Variants in PCDHGB7 observed in about 807,000 individuals in gnomAD.
PCDHGB7 encodes the protein protocadherin gamma subfamily B, 7.
A neutral mutation model predicts 61.4 loss-of-function variants in PCDHGB7; 37 were observed. That is an observed-to-expected ratio of 0.60 (90% CI 0.46 to 0.79). PCDHGB7 has a LOEUF of 0.79. PCDHGB7 is among the 30% of genes least tolerant of loss of function. The pLI is 0.00. For missense variants in PCDHGB7, 1,166 were observed against 1,202.5 expected (o/e 0.97, Z 0.45); for synonymous variants, 464 against 503.5 (o/e 0.92, Z 1.05).
chr5:141,491,322 C>T lies in PCDHGB7; in HGVS notation c.2416-3485C>T. 6.2e-7 allele frequency: 1 copy of T among 1,614,156 alleles called. No individual in the cohort carries two copies. Among genetic ancestry groups the T allele is most frequent in the East Asian group, 2.2e-5 (1 of 44,860 alleles). On this transcript the variant is annotated intron_variant, in intron 1 of 3. Coordinates refer to ENST00000398594, the MANE Select transcript of PCDHGB7 (RefSeq NM_018927.4). This position sits in a 1 kb window ranked among gnomAD's most constrained non-coding sequence, Gnocchi z 6.9. ...AGCGTTCAGACCTTACCCTTTACCT[C>T]ATTGTGGCTCTAGCGACCGTCAGTC...
At chr5:141,505,673 G>C (rs1389292278) in intron 3 of PCDHGB7, among the ~76,000 whole-genome samples, 192 bp downstream of exon 3, 1 of 152,178 alleles carries the variant, frequency 6.6e-6, no homozygotes, top group East Asian at 1.9e-4. Context: ...AGGGGTTGGG[G>C]GTCCTGGGAT....
chr5:141,473,254 T>C (rs1203765731), intron 1 of PCDHGB7, among the ~76,000 whole-genome samples: 5 of 152,152 alleles, frequency 3.3e-5, no homozygotes, highest in African/African-American at 4.8e-5. Context: ...ACATATATAG[T>C]CCTTAGTGTA....
rs747509171 is a variant in PCDHGB7, at chr5:141,477,069, A to G, written c.2416-17738A>G. The stretch of plus-strand genomic sequence containing the variant: ...CTGGACTTCGAGGACACCAAACTCC[A>G]TGAGATTTACATCCAGGCCAAAGAC... On this transcript the variant is annotated intron_variant, in intron 1 of 3. Coordinates refer to ENST00000398594, the MANE Select transcript of PCDHGB7 (RefSeq NM_018927.4). The surrounding 1 kb of genome is among the most constrained non-coding windows in gnomAD (Gnocchi z 4.9). 7 of 1,614,246 alleles carry G rather than the reference A, an allele frequency of 4.3e-6. No homozygotes were observed. The highest frequency in any genetic ancestry group is 5.9e-6 in the Non-Finnish European group (7 of 1,180,026).
intron 1 of PCDHGB7, chr5:141,423,138 C>G (rs767107885): frequency 1.2e-6 from 2 of 1,613,606 alleles, no homozygotes; most frequent in Non-Finnish European, 1.7e-6. Flanking sequence ...TGGACAGAGA[C>G]GCGCTCAAGC....
intron 3 of PCDHGB7, among the ~76,000 whole-genome samples, chr5:141,506,417 A>C (rs1326078146): frequency 6.8e-6 from 1 of 147,658 alleles, no homozygotes; most frequent in Non-Finnish European, 1.5e-5. Context: ...ACTGCACTCC[A>C]GCCTGGGCAA....
At position 141,477,401 on chromosome 5, in the gene PCDHGB7, G is replaced by T. The variant is rs781253466; in HGVS notation, c.2416-17406G>T. On this transcript the variant is annotated intron_variant, in intron 1 of 3. Coordinates refer to ENST00000398594, the MANE Select transcript of PCDHGB7 (RefSeq NM_018927.4). The surrounding 1 kb of genome is among the most constrained non-coding windows in gnomAD (Gnocchi z 4.9). ...GCCAGAATACAACCTCAGCATCACC[G>T]CCCGAGACGCCGGAACCCCTTCCCT... 8 of 1,613,960 alleles carry T rather than the reference G, an allele frequency of 5.0e-6. No homozygotes were observed. The highest frequency in any genetic ancestry group is 4.5e-5 in the East Asian group (2 of 44,890).
intron 1 of PCDHGB7, among the ~76,000 whole-genome samples, chr5:141,438,396 A>T (rs1026490705): frequency 6.6e-6 from 1 of 150,930 alleles, no homozygotes. Context: ...TTCATCATTA[A>T]CTCTCTGAAG....
Position 141,490,013 on chromosome 5 carries a change from G to A in PCDHGB7, c.2416-4794G>A. 6.2e-7 allele frequency: 1 copy of A among 1,614,206 alleles called. No individual in the cohort carries two copies. The highest frequency in any genetic ancestry group is 1.1e-5 in the South Asian group (1 of 91,088). Reference sequence around the variant, plus strand: ...GGAATCCCAGAGAATGCACCCATTGGTACTCTGCTGCTCCGCCTCAATGCC... The same window carrying A: ...GGAATCCCAGAGAATGCACCCATTGATACTCTGCTGCTCCGCCTCAATGCC... On this transcript the variant is annotated intron_variant, in intron 1 of 3. Transcript: ENST00000398594. This position sits in a 1 kb window ranked among gnomAD's most constrained non-coding sequence, Gnocchi z 5.4.
rs1177173734 is a variant in PCDHGB7, at chr5:141,491,741, G to T, written c.2416-3066G>T. 1.3e-6 allele frequency: 2 copies of T among 1,595,762 alleles called. No individual in the cohort carries two copies. On this transcript the variant is annotated intron_variant, in intron 1 of 3. Transcript: ENST00000398594. This position sits in a 1 kb window ranked among gnomAD's most constrained non-coding sequence, Gnocchi z 6.9. ...CCGCCCCGGGCGACCCCTGGGGGCG[G>T]CACTGGAGAAGCCGCCCGTCCTCAT... is the stretch of plus-strand genomic sequence containing the variant.
At chr5:141,469,804 T>C (rs1433459377) in intron 1 of PCDHGB7, among the ~76,000 whole-genome samples, 1 of 152,060 alleles carries the variant, frequency 6.6e-6, no homozygotes, top group Non-Finnish European at 1.5e-5. Context: ...TGCAAAAACA[T>C]TGTAGATAGA....
chr5:141,478,604 T>C (rs1425759709), intron 1 of PCDHGB7: 2 of 1,562,580 alleles, frequency 1.3e-6, no homozygotes, highest in South Asian at 2.3e-5. Context: ...CTACATCATA[T>C]TGAGGAAGGA....
chr5:141,505,596 T>G (rs2099846990), intron 3 of PCDHGB7, 115 bp downstream of exon 3: 1 of 1,562,168 alleles, frequency 6.4e-7, no homozygotes, highest in African/African-American at 1.4e-5. Context: ...CTCCAGATCT[T>G]TCGGCAGGTC....
At position 141,512,350 on chromosome 5, in the gene PCDHGB7, G is replaced by C. The variant is rs1406428686; in HGVS notation, c.*1177G>C. ...CCATTCTTAGTCCCTGGGTTGGGGA[G>C]GCAGGGAGCTAGGGCAGGGACCAAA... is the stretch of plus-strand genomic sequence containing the variant. On this transcript the variant is annotated 3_prime_UTR_variant, in exon 4 of 4. Transcript: ENST00000398594. The C allele has an allele frequency of 6.5e-6, 1 of 152,906 alleles. No homozygotes were observed. The highest frequency in any genetic ancestry group is 1.9e-4 in the East Asian group (1 of 5,208). 9.5% of individuals were successfully genotyped at this position (152,906 alleles called of 1,614,324 possible).
At chr5:141,474,756 T>C (rs2099354156) in intron 1 of PCDHGB7, among the ~76,000 whole-genome samples, 1 of 152,244 alleles carries the variant, frequency 6.6e-6, no homozygotes, top group Non-Finnish European at 1.5e-5. Flanking sequence ...AAGACAAATA[T>C]ACAGAAATAG....
chr5:141,494,678 G>A, intron 1 of PCDHGB7, 129 bp from the exon 2 acceptor site: 1 of 1,554,384 alleles, frequency 6.4e-7, no homozygotes, highest in Non-Finnish European at 8.7e-7. Flanking sequence ...GTCCACCCCT[G>A]CCCCCTCTTA....
At chr5:141,428,058 G>A (rs752468507) in intron 1 of PCDHGB7, 4 of 1,609,140 alleles carry the variant, frequency 2.5e-6, no homozygotes, top group South Asian at 1.1e-5. Flanking sequence ...GGTGGTGGCG[G>A]TGGACGCAGA....
At chr5:141,502,001 C>T (rs2099812274) in intron 2 of PCDHGB7, among the ~76,000 whole-genome samples, 2 of 152,106 alleles carry the variant, frequency 1.3e-5, no homozygotes, top group Admixed American at 1.3e-4. Flanking sequence ...CCCTGACAAC[C>T]CGCATGCTCT....
chr5:141,426,094 G>C (rs2096914562), intron 1 of PCDHGB7, among the ~76,000 whole-genome samples: 1 of 152,350 alleles, frequency 6.6e-6, no homozygotes, highest in African/African-American at 2.4e-5. Flanking sequence ...ACGATATTCT[G>C]TTCAGTCACA....
chr5:141,432,642 C>T lies in PCDHGB7; in HGVS notation c.2415+12368C>T, dbSNP rs746251093. 7.4e-6 allele frequency: 12 copies of T among 1,613,784 alleles called. No individual in the cohort carries two copies. The highest frequency in any genetic ancestry group is 2.7e-5 in the African/African-American group (2 of 75,056). ...GGTCTGCACACGGGCGAGGTGCGCA[C>T]GGCGCGAGCCCTGCTGGACAGAGAC... On this transcript the variant is annotated intron_variant, in intron 1 of 3. Coordinates refer to ENST00000398594, the MANE Select transcript of PCDHGB7 (RefSeq NM_018927.4). This position sits in a 1 kb window ranked among gnomAD's most constrained non-coding sequence, Gnocchi z 6.0.
Sources: gnomAD v4.1 joint callset for allele counts (sites outside exome capture counted in the v4.1 genomes callset) on GRCh38, gnomAD v4.1.1 for gene constraint, Gnocchi (gnomAD v3.1) non-coding constraint, MANE v1.5 for transcripts, NCBI Gene and HGNC (gene_info 2026-07-23, HGNC 2026-07-21) for gene names.